Variants in CSMD1 observed in about 807,000 individuals in gnomAD.
CSMD1 encodes the protein CUB and Sushi multiple domains 1.
In CSMD1, 213 loss-of-function variants were observed where a neutral mutation model predicts 417.5. The ratio of observed to expected loss-of-function variants is 0.51; its 90% confidence interval spans 0.46 to 0.57. The LOEUF (loss-of-function observed/expected upper bound fraction) is 0.57, where lower values mean the gene tolerates loss of function less well. Ranked by LOEUF, CSMD1 falls within the 20% of genes least tolerant of loss-of-function variation. The pLI is 0.00. For missense variants in CSMD1, 6,923 were observed against 4,529.7 expected (o/e 1.53, Z -15.17); for synonymous variants, 2,862 against 1,736.8 (o/e 1.65, Z -16.11).
intron 5 of CSMD1, among the ~76,000 whole-genome samples, chr8:3,771,307 C>T (rs922336673): frequency 5.2e-4 from 79 of 152,210 alleles, no homozygotes; most frequent in Admixed American, 2.5e-3. Flanking sequence ...TTCTGGAAGC[C>T]TTGCTTACTC....
At chr8:4,811,697 TAAG>T (rs964604048) in intron 1 of CSMD1, among the ~76,000 whole-genome samples, 5 of 152,092 alleles carry the variant, frequency 3.3e-5, no homozygotes, top group African/African-American at 1.2e-4. Flanking sequence ...GTCACAGAAA[TAAG>T]AAAAAAAATG....
At chr8:4,444,268 G>A (rs1175259011) in intron 2 of CSMD1, among the ~76,000 whole-genome samples, 3 of 149,052 alleles carry the variant, frequency 2.0e-5, no homozygotes, top group East Asian at 2.0e-4. Context: ...CTTGAACCTG[G>A]GCTGGGAGGT....
At chr8:4,411,038 G>A (rs1369931429) in intron 3 of CSMD1, among the ~76,000 whole-genome samples, 2 of 152,018 alleles carry the variant, frequency 1.3e-5, no homozygotes, top group South Asian at 2.1e-4. Context: ...CCGTTTTGCT[G>A]GTCCACCATG....
chr8:4,912,113 A>G (rs77608642), intron 1 of CSMD1, among the ~76,000 whole-genome samples: 5,465 of 132,628 alleles, frequency 0.041, 285 homozygotes, highest in African/African-American at 0.11. Flanking sequence ...CTAGTGCTCA[A>G]CATAGCTTCA....
chr8:3,564,517 T>TTCTGTGTGTGTG (rs144757433), intron 10 of CSMD1, among the ~76,000 whole-genome samples: 2 of 145,392 alleles, frequency 1.4e-5, no homozygotes, highest in South Asian at 2.2e-4. Context: ...CACAGTATAT[T>TTCTGTGTGTGTG]TGTGTGTGTG....
intron 3 of CSMD1, among the ~76,000 whole-genome samples, chr8:4,288,781 G>C (rs1242553687): frequency 2.6e-5 from 4 of 152,150 alleles, no homozygotes; most frequent in African/African-American, 7.2e-5. Flanking sequence ...ATACCTGTCA[G>C]GTCTACGTAG....
chr8:4,462,040 G>A (rs926612070), intron 2 of CSMD1, among the ~76,000 whole-genome samples: 2 of 151,690 alleles, frequency 1.3e-5, no homozygotes, highest in Non-Finnish European at 2.9e-5. Context: ...ACGTCTGGCT[G>A]CTAATCTTAT....
chr8:3,439,307 A>ATTTTT (rs1356132702), intron 12 of CSMD1, among the ~76,000 whole-genome samples: 4 of 43,782 alleles, frequency 9.1e-5, no homozygotes, highest in East Asian at 1.0e-3. Flanking sequence ...ATATATATAT[A>ATTTTT]TATTTTTTTT....
In CSMD1 at chr8:4,044,231, C is replaced by A. The variant is rs920949112; in HGVS notation, c.416-12132G>T. 2.0e-5 allele frequency among the ~76,000 whole-genome samples: 3 copies of A among 152,248 alleles called. No individual in the cohort carries two copies. The South Asian group carries it at 6.2e-4, about 32-fold the overall frequency. ...TAACTGCTGTTTCAAATACAAATAA[C>A]TTATTTTCTCATACTTCCTTATTGC... On this transcript the variant is annotated intron_variant, in intron 3 of 69. Transcript: ENST00000635120.
intron 3 of CSMD1, among the ~76,000 whole-genome samples, chr8:4,072,488 G>C (rs147415629): frequency 3.3e-5 from 5 of 152,134 alleles, no homozygotes; most frequent in Non-Finnish European, 7.3e-5. Flanking sequence ...GAAGGGAATT[G>C]TGACTATAAT....
In CSMD1 at chr8:4,735,477, A is replaced by G. The variant is rs1335082023; in HGVS notation, c.86-97919T>C. ...GTTGTAGGACGACAGATTTCCTTTC[A>G]AACATTGAACTTTATGCAACATTTT... is the stretch of plus-strand genomic sequence containing the variant. On this transcript the variant is annotated intron_variant, in intron 1 of 69. Transcript: ENST00000635120. Among the ~76,000 whole-genome samples the G allele has an allele frequency of 2.0e-5, 3 of 152,186 alleles. 1 individual carries two copies. Among genetic ancestry groups the G allele is most frequent in the Admixed American group, 2.0e-4 (3 of 15,284 alleles).
intron 5 of CSMD1, among the ~76,000 whole-genome samples, chr8:3,790,073 GA>G (rs1371375408): frequency 1.3e-5 from 2 of 152,176 alleles, no homozygotes; most frequent in African/African-American, 4.8e-5. Context: ...GAATGTCAAT[GA>G]AGGTCCATTA....
At chr8:4,415,253 C>T (rs993241818) in intron 3 of CSMD1, among the ~76,000 whole-genome samples, 1 of 152,172 alleles carries the variant, frequency 6.6e-6, no homozygotes, top group Admixed American at 6.5e-5. Context: ...AACTCCGCCT[C>T]ACTTCTGCAC....
At chr8:3,935,008 G>A (rs935969799) in intron 5 of CSMD1, among the ~76,000 whole-genome samples, 1 of 152,154 alleles carries the variant, frequency 6.6e-6, no homozygotes, top group Admixed American at 6.5e-5. Flanking sequence ...ATAATCAAGT[G>A]CATGGAGTAT....
At chr8:3,940,732 TA>T (rs1394468881) in intron 5 of CSMD1, among the ~76,000 whole-genome samples, 1 of 152,058 alleles carries the variant, frequency 6.6e-6, no homozygotes, top group Non-Finnish European at 1.5e-5. Context: ...CATTCATTTT[TA>T]AAGTAGCTTA....
intron 3 of CSMD1, among the ~76,000 whole-genome samples, chr8:4,384,533 C>G (rs1483977054): frequency 1.3e-5 from 2 of 152,164 alleles, no homozygotes; most frequent in Non-Finnish European, 2.9e-5. Context: ...TTATTCAATA[C>G]TTTATGAAGT....
intron 3 of CSMD1, among the ~76,000 whole-genome samples, chr8:4,286,788 A>T (rs1453714344): frequency 6.6e-6 from 1 of 152,216 alleles, no homozygotes; most frequent in East Asian, 1.9e-4. Context: ...TGTTTGGCTG[A>T]GAATGTTTCC....
chr8:4,751,885 C>G (rs1018307937), intron 1 of CSMD1, among the ~76,000 whole-genome samples: 1 of 152,148 alleles, frequency 6.6e-6, no homozygotes, highest in African/African-American at 2.4e-5. Context: ...TCCAATTAAT[C>G]ATCCACTTTC....
intron 5 of CSMD1, among the ~76,000 whole-genome samples, chr8:3,979,306 A>C (rs1813677111): frequency 6.6e-6 from 1 of 152,208 alleles, no homozygotes. Context: ...ATGTAGTAAC[A>C]GAGGTGTGAA....
Sources: gnomAD v4.1 joint callset for allele counts (sites outside exome capture counted in the v4.1 genomes callset) on GRCh38, gnomAD v4.1.1 for gene constraint, MANE v1.5 for transcripts, NCBI Gene and HGNC (gene_info 2026-07-23, HGNC 2026-07-21) for gene names.